CALR3: variants seen among roughly 807,000 people sequenced by gnomAD.
CALR3 encodes the protein calreticulin-3.
In CALR3, 39 loss-of-function variants were observed where a neutral mutation model predicts 48.7. The observed-to-expected ratio is 0.80, with a 90% CI of 0.62 to 1.05. The LOEUF (loss-of-function observed/expected upper bound fraction) is 1.05. Ranked by LOEUF, CALR3 falls within the 50% of genes least tolerant of loss-of-function variation. CALR3 has a pLI of 0.00. For missense variants in CALR3, 449 were observed against 474.7 expected, an observed-to-expected ratio of 0.95 and a Z score of 0.50; for synonymous variants, 185 against 172.7, an observed-to-expected ratio of 1.07 and a Z score of -0.56.
Position 16,486,185 on chromosome 19 carries a change from G to A in CALR3, c.398-928C>T, listed in dbSNP as rs976895409. 1.1e-4 allele frequency among the ~76,000 whole-genome samples: 17 copies of A among 151,772 alleles called. No individual in the cohort carries two copies. The East Asian group carries it at 3.3e-3, about 30-fold the overall frequency. On this transcript the variant is annotated intron_variant, in intron 3 of 8. Transcript: ENST00000269881. ...ACAAAAATTAGCTGGGAGTGGTGGCGTGTCCCTGTAGTCCCAGGGACCTGT... is the reference window on the plus strand; with the variant it reads ...ACAAAAATTAGCTGGGAGTGGTGGCATGTCCCTGTAGTCCCAGGGACCTGT...
At position 16,485,162 on chromosome 19, in the gene CALR3, C is replaced by A; in HGVS notation, c.492+1G>T. 1 of 1,582,334 alleles carries A rather than the reference C, an allele frequency of 6.3e-7. No individual in the cohort carries two copies. The highest frequency in any genetic ancestry group is 8.7e-7 in the Non-Finnish European group (1 of 1,151,326). On this transcript the variant is annotated splice_donor_variant, in intron 4 of 8. Transcript: ENST00000269881. LOFTEE classifies it high-confidence loss of function. ...ATTTATTTGAATACAAGAGCAGTTA[C>A]CTTACACCTGATCAGTTTCTTGTTT...
intron 2 of CALR3, among the ~76,000 whole-genome samples, chr19:16,491,322 C>T (rs931177961): frequency 2.7e-5 from 4 of 150,178 alleles, no homozygotes; most frequent in Admixed American, 2.0e-4. Context: ...CAGGGTTTCA[C>T]CATGTTAGCC....
chr19:16,490,539 A>G lies in CALR3; in HGVS notation c.225T>C (p.Tyr75=). ...ACGGTTTGAAGCGTGCAGAGATGGC[A>G]TAGAATCGGCCATTCTGAGTGGTTT... ...GLQTTQNGRF[Y]AISARFKPFS... is the part of the protein sequence containing the mutation. The change falls in exon 3 of 9, where the codon TAT becomes TAC. Residue 75 remains tyrosine, a synonymous_variant. Transcript: ENST00000269881. The G allele has an allele frequency of 6.2e-7, 1 of 1,614,160 alleles. No individual in the cohort carries two copies. The highest frequency in any genetic ancestry group is 8.5e-7 in the Non-Finnish European group (1 of 1,180,040).
intron 7 of CALR3, 114 bp from the exon 8 acceptor site, chr19:16,480,820 T>G: frequency 1.2e-6 from 1 of 848,490 alleles, no homozygotes; most frequent in Non-Finnish European, 1.9e-6. Context: ...TTTTTTATTT[T>G]TTAGAGATGG....
At chr19:16,480,476 CG>C (rs1360581788) in intron 8 of CALR3, 137 bp downstream of exon 8, 11 of 663,686 alleles carry the variant, frequency 1.7e-5, no homozygotes, top group Non-Finnish European at 2.5e-5. Context: ...CGCTTGAACC[CG>C]GGAGGTGGAG....
Position 16,495,755 on chromosome 19 carries a change from A to G in CALR3, c.189T>C (p.Asp63=). ...SGKFYGHKEK[D]KGLQTTQNGR... ...TGGTCCTGATTCTACACTAACCTTT[A>G]TCTTTCTCTTTATGACCATAAAACT... is the stretch of plus-strand genomic sequence containing the variant. The change falls in exon 2 of 9, where the codon GAT becomes GAC. Residue 63 remains aspartate (D), a synonymous_variant. Coordinates refer to ENST00000269881, the MANE Select transcript of CALR3 (RefSeq NM_145046.5). The G allele has an allele frequency of 1.2e-6, 2 of 1,612,584 alleles. No homozygotes were observed. The highest frequency in any genetic ancestry group is 1.7e-6 in the Non-Finnish European group (2 of 1,178,560).
Position 16,485,269 on chromosome 19 carries a change from A to G in CALR3, c.398-12T>C, listed in dbSNP as rs2093387489. On this transcript the variant is annotated splice_polypyrimidine_tract_variant and intron_variant, in intron 3 of 8. Transcript: ENST00000269881. ...ACAAATATCGGGTCCTACAAAAAAG[A>G]TTAGCTGCTCTCAATTTCTTTCCAT... 1 of 1,528,196 alleles carries G rather than the reference A, an allele frequency of 6.5e-7. No homozygotes were observed. The highest frequency in any genetic ancestry group is 1.1e-5 in the South Asian group (1 of 89,116). The allele number at this position is 1,528,196 out of a possible 1,614,324, so 94.7% of individuals were successfully genotyped here.
chr19:16,480,545 C>A lies in CALR3; in HGVS notation c.1011+69G>T. 1.7e-5 allele frequency: 18 copies of A among 1,034,194 alleles called. No individual in the cohort carries two copies. The South Asian group carries it at 2.3e-4, about 13-fold the overall frequency. The allele number at this position is 1,034,194 out of a possible 1,614,324, so 64.1% of individuals were successfully genotyped here. ...ACAGCCTGGGTGACAGAGCTAGACTCCATCTAAAAAAAAAAAATTTACACA... is the reference window on the plus strand; with the variant it reads ...ACAGCCTGGGTGACAGAGCTAGACTACATCTAAAAAAAAAAAATTTACACA... On this transcript the variant is annotated intron_variant, in intron 8 of 8. Coordinates refer to ENST00000269881, the MANE Select transcript of CALR3 (RefSeq NM_145046.5).
At chr19:16,483,837 C>T (rs1340301674) in intron 5 of CALR3, 93 bp downstream of exon 5, 12 of 1,340,910 alleles carry the variant, frequency 8.9e-6, no homozygotes, top group East Asian at 7.5e-5. Flanking sequence ...ATATTGCCAT[C>T]GTGGCTACCA....
chr19:16,480,477 G>A (rs1299539815), intron 8 of CALR3, 137 bp downstream of exon 8: 13 of 664,486 alleles, frequency 2.0e-5, no homozygotes, highest in East Asian at 8.5e-5. Flanking sequence ...GCTTGAACCC[G>A]GGAGGTGGAG....
At position 16,485,196 on chromosome 19, in the gene CALR3, C is replaced by G; in HGVS notation, c.459G>C (p.Lys153Asn). 1 of 1,610,042 alleles carries G rather than the reference C, an allele frequency of 6.2e-7. No individual in the cohort carries two copies. The highest frequency in any genetic ancestry group is 1.1e-5 in the South Asian group (1 of 90,930). ...KVHVILHFKN[K>N]YHENKKLIRC... ...TGATCAGTTTCTTGTTTTCGTGATA[C>G]TTATTCTTGAAATGTAAAATAACAT... The change falls in exon 4 of 9, where the codon AAG (lysine) becomes AAC (asparagine). Residue 153 changes from lysine (K) to asparagine (N), a missense_variant. Lys to Asn is a moderately conservative substitution (Grantham distance 94). Coordinates refer to ENST00000269881, the MANE Select transcript of CALR3 (RefSeq NM_145046.5).
intron 8 of CALR3, among the ~76,000 whole-genome samples, chr19:16,480,285 C>T (rs1378327022): frequency 1.3e-5 from 2 of 151,546 alleles, no homozygotes; most frequent in African/African-American, 2.4e-5. Flanking sequence ...GGCACAGTGG[C>T]TCACTCCTGT....
chr19:16,485,030 AAACT>A, intron 4 of CALR3, 129 bp downstream of exon 4: 2 of 687,758 alleles, frequency 2.9e-6, no homozygotes, highest in South Asian at 3.2e-5. Flanking sequence ...CCTAAACTGG[AAACT>A]GGAAACAGGA....
rs543463133 is a variant in CALR3 at position 16,485,107 on chromosome 19, C to G, written c.492+56G>C. ...TATTTTATTATCAAAACTATTTTTT[C>G]TAAACTTAGTCTGGCAGGAGTTAAC... is the stretch of plus-strand genomic sequence containing the variant. On this transcript the variant is annotated intron_variant, in intron 4 of 8. Transcript: ENST00000269881. 47 of 1,199,114 alleles carry G rather than the reference C, an allele frequency of 3.9e-5. No homozygotes were observed. In the African/African-American group the frequency reaches 7.0e-4, roughly 18 times the overall value. The allele number at this position is 1,199,114 out of a possible 1,614,324, so 74.3% of individuals were successfully genotyped here. A position where few individuals can be genotyped will look rare whatever the true frequency, so the allele number is the denominator to read the frequency against.
In CALR3 at chr19:16,482,684, C is replaced by T. The variant is rs775009764; in HGVS notation, c.780G>A (p.Pro260=). The T allele has an allele frequency of 2.7e-5, 44 of 1,614,012 alleles. No individual in the cohort carries two copies. The Admixed American group carries it at 4.8e-4, about 18-fold the overall frequency. ...ATACAAAGAGGCCACACACCTGGTA[C>T]GGGGGCTTCTGGAGCATCGGCGCTG... ...DWPAPMLQKP[P]YQDGLKPEGI... is the part of the protein sequence containing the mutation. Residue 260 remains proline (P), a synonymous_variant, in exon 6 of 9, where the codon CCG becomes CCA. Transcript: ENST00000269881.
chr19:16,480,564 T>G, intron 8 of CALR3, 50 bp downstream of exon 8: 2 of 1,388,878 alleles, frequency 1.4e-6, no homozygotes, highest in Non-Finnish European at 2.0e-6. Flanking sequence ...AAAAAAAAAT[T>G]TACACAAATG....
chr19:16,482,648 T>A (rs368088595), intron 6 of CALR3, 30 bp downstream of exon 6: 58 of 1,613,886 alleles, frequency 3.6e-5, no homozygotes, highest in Non-Finnish European at 4.1e-5. Context: ...CCCTGGGGCA[T>A]CCCTGGCATC....
At chr19:16,493,677 G>A (rs1407152469) in intron 2 of CALR3, among the ~76,000 whole-genome samples, 2 of 150,368 alleles carry the variant, frequency 1.3e-5, no homozygotes, top group Non-Finnish European at 3.0e-5. Context: ...AATCTCTCAA[G>A]TAGCTGGGAC....
chr19:16,495,210 A>G (rs377082281), intron 2 of CALR3, among the ~76,000 whole-genome samples: 2 of 139,678 alleles, frequency 1.4e-5, no homozygotes, highest in African/African-American at 5.4e-5. Flanking sequence ...TAGGCGACAG[A>G]GCGAGACTCC....
Sources: allele counts gnomAD v4.1 joint callset (sites outside exome capture counted in the v4.1 genomes callset), GRCh38; gene constraint gnomAD v4.1.1; transcripts MANE v1.5; gene names NCBI Gene and HGNC (gene_info 2026-07-23, HGNC 2026-07-21).